MAP3K13: variants seen among roughly 807,000 people sequenced by gnomAD.
The protein encoded by MAP3K13 is leucine zipper-bearing kinase.
In MAP3K13, 52 loss-of-function variants were observed where a neutral mutation model predicts 104.0. The observed-to-expected ratio is 0.50, with a 90% CI of 0.40 to 0.63. MAP3K13 has a LOEUF of 0.63. Among genes scored for constraint, MAP3K13 ranks in the 20% least tolerant of loss-of-function variants. MAP3K13 has a pLI of 0.00. For synonymous variants in MAP3K13, 394 were observed against 442.2 expected (o/e 0.89, Z 1.37); for missense variants, 914 against 1,218.5 (o/e 0.75, Z 3.72).
At chr3:185,284,605 A>G (rs899494281) in intron 1 of MAP3K13, among the ~76,000 whole-genome samples, 3 of 152,076 alleles carry the variant, frequency 2.0e-5, no homozygotes, top group Admixed American at 6.6e-5. Flanking sequence ...AATCCCAGCT[A>G]CTTGGGAGCT....
At chr3:185,334,393 A>G (rs888086940) in intron 2 of MAP3K13, among the ~76,000 whole-genome samples, 4 of 152,212 alleles carry the variant, frequency 2.6e-5, no homozygotes, top group African/African-American at 7.2e-5. Context: ...TAAATGACTT[A>G]TAATACGTGA....
At chr3:185,436,198 T>G (rs77832758) in intron 2 of MAP3K13, among the ~76,000 whole-genome samples, 1 of 152,208 alleles carries the variant, frequency 6.6e-6, no homozygotes, top group Non-Finnish European at 1.5e-5. Flanking sequence ...AAAAGTGATA[T>G]AGGCTTATGG....
chr3:185,311,480 A>G (rs1159712388), intron 2 of MAP3K13, among the ~76,000 whole-genome samples: 1 of 152,170 alleles, frequency 6.6e-6, no homozygotes, highest in Non-Finnish European at 1.5e-5. Flanking sequence ...GGGAGATACA[A>G]TTGAAGTTGA....
chr3:185,442,281 C>T (rs540459387), intron 3 of MAP3K13, among the ~76,000 whole-genome samples: 1 of 151,858 alleles, frequency 6.6e-6, no homozygotes, highest in Non-Finnish European at 1.5e-5. Flanking sequence ...GTGCCTCCCT[C>T]CAACCTTGTT....
At chr3:185,348,684 C>T (rs28403270) in intron 2 of MAP3K13, among the ~76,000 whole-genome samples, 71,515 of 151,956 alleles carry the variant, frequency 0.47, 18,548 homozygotes, top group Middle Eastern at 0.64. Context: ...TTTGGGAGGC[C>T]GAGGCGGGTG....
At chr3:185,448,441 A>T (rs2148895915) in intron 5 of MAP3K13, among the ~76,000 whole-genome samples, 1 of 151,770 alleles carries the variant, frequency 6.6e-6, no homozygotes, top group East Asian at 1.9e-4. Context: ...GCTATGCTTT[A>T]AAAAAAAATC....
chr3:185,416,856 C>CA (rs1444978092), intron 1 of MAP3K13, among the ~76,000 whole-genome samples: 5 of 151,458 alleles, frequency 3.3e-5, no homozygotes, highest in African/African-American at 1.2e-4. Flanking sequence ...CTCCTGGGCT[C>CA]AAGCAATCCT....
At position 185,483,719 on chromosome 3, in the gene MAP3K13, T is replaced by TTTTTTTTGGTTTGTTGGTTTGG; in HGVS notation, c.*1270_*1271insGGTTTGTTGGTTTGGTTTTTTT. On this transcript the variant is annotated 3_prime_UTR_variant, in exon 14 of 14. Transcript: ENST00000265026. The stretch of plus-strand genomic sequence containing the variant: ...ATTCTATCTTAGAAGTTCTTTTTTT[T>TTTTTTTTGGTTTGTTGGTTTGG]TTTTTTTTTTTTGACAGAGTTTTGC... 5.8e-6 allele frequency: 1 copy of TTTTTTTTGGTTTGTTGGTTTGG among 171,600 alleles called. No homozygotes were observed. Among genetic ancestry groups the TTTTTTTTGGTTTGTTGGTTTGG allele is most frequent in the Non-Finnish European group, 1.2e-5 (1 of 82,336 alleles). 10.6% of individuals were successfully genotyped at this position (171,600 alleles called of 1,614,324 possible).
chr3:185,347,791 C>T (rs1028295883), intron 2 of MAP3K13, among the ~76,000 whole-genome samples: 1 of 151,864 alleles, frequency 6.6e-6, no homozygotes, highest in Admixed American at 6.6e-5. Context: ...GGTGGATCAC[C>T]TGAGGTCAGG....
At chr3:185,449,645 C>T (rs1248858822) in intron 5 of MAP3K13, among the ~76,000 whole-genome samples, 1 of 151,858 alleles carries the variant, frequency 6.6e-6, no homozygotes, top group Middle Eastern at 3.2e-3. Flanking sequence ...GATTTCTTGT[C>T]CAGTCCATTA....
intron 10 of MAP3K13, among the ~76,000 whole-genome samples, chr3:185,471,604 C>T (rs1048716386): frequency 6.6e-6 from 1 of 151,678 alleles, no homozygotes; most frequent in Non-Finnish European, 1.5e-5. Flanking sequence ...GGATTACAGG[C>T]GCCCACCACC....
chr3:185,348,490 G>A (rs1723015567), intron 2 of MAP3K13, among the ~76,000 whole-genome samples: 1 of 152,126 alleles, frequency 6.6e-6, no homozygotes, highest in Non-Finnish European at 1.5e-5. Context: ...CCTAAAGTTA[G>A]ACAAGCATTT....
At chr3:185,304,037 C>T (rs954745418) in intron 2 of MAP3K13, among the ~76,000 whole-genome samples, 5 of 152,264 alleles carry the variant, frequency 3.3e-5, no homozygotes, top group African/African-American at 1.2e-4. Context: ...CATTTGTCCT[C>T]AAGATATTTC....
At chr3:185,288,868 A>T (rs527375766) in intron 2 of MAP3K13, among the ~76,000 whole-genome samples, 7 of 152,294 alleles carry the variant, frequency 4.6e-5, no homozygotes, top group African/African-American at 1.7e-4. Flanking sequence ...GTTCAATTTG[A>T]ATTGAACTAG....
chr3:185,325,941 A>C (rs373646952), intron 2 of MAP3K13, among the ~76,000 whole-genome samples: 2 of 152,122 alleles, frequency 1.3e-5, no homozygotes, highest in South Asian at 2.1e-4. Flanking sequence ...CTTTGGCTGA[A>C]ACACTGTTCC....
At chr3:185,303,708 A>G (rs1037984538) in intron 2 of MAP3K13, among the ~76,000 whole-genome samples, 29 of 150,702 alleles carry the variant, frequency 1.9e-4, no homozygotes, top group African/African-American at 6.8e-4. Context: ...AATCTTCTCT[A>G]TTTTTTACCT....
rs1577546457 is a variant in MAP3K13, at chr3:185,428,655, A to G, written c.74A>G (p.Asn25Ser). The G allele has an allele frequency of 1.9e-6, 3 of 1,614,022 alleles. No homozygotes were observed. Among genetic ancestry groups the G allele is most frequent in the Non-Finnish European group, 2.5e-6 (3 of 1,179,968 alleles). The stretch of plus-strand genomic sequence containing the variant: ...CCCTTCAGTGAAAGCAAAACCTTCA[A>G]TGGACTACAAGATGAGCTCACAGCT... Reference protein sequence around the residue: ...HLPFSESKTFNGLQDELTAMG... With the variant: ...HLPFSESKTFSGLQDELTAMG... The change falls in exon 2 of 14, where the codon AAT becomes AGT. Residue 25 changes from asparagine to serine, a missense_variant. This residue lies in a region of MAP3K13 where 156 missense variants were observed against 159.8 expected (regional missense o/e 0.98). Coordinates refer to ENST00000265026, the MANE Select transcript of MAP3K13 (RefSeq NM_004721.5).
chr3:185,437,150 T>C (rs1366245390), intron 2 of MAP3K13, among the ~76,000 whole-genome samples: 1 of 151,656 alleles, frequency 6.6e-6, no homozygotes, highest in African/African-American at 2.4e-5. Context: ...TTGACTGACA[T>C]GCAAGCTTAA....
chr3:185,290,698 A>G (rs1560035111), intron 2 of MAP3K13, among the ~76,000 whole-genome samples: 1 of 152,206 alleles, frequency 6.6e-6, no homozygotes, highest in Non-Finnish European at 1.5e-5. Context: ...ATCTGTAAAT[A>G]GGAGACATTA....
Sources: gnomAD v4.1 joint callset for allele counts (sites outside exome capture counted in the v4.1 genomes callset) on GRCh38, gnomAD v4.1.1 for gene constraint, gnomAD v4.1.1 regional missense constraint, MANE v1.5 for transcripts, NCBI Gene and HGNC (gene_info 2026-07-23, HGNC 2026-07-21) for gene names.